Variants in SLC18A2 observed in about 807,000 individuals in gnomAD.
SLC18A2 encodes the protein solute carrier family 18 member A2, also known as synaptic vesicular amine transporter.
Under a neutral mutation model 59.2 loss-of-function variants are expected in SLC18A2, and 33 were observed. The ratio of observed to expected loss-of-function variants is 0.56; its 90% CI spans 0.42 to 0.75. SLC18A2 has a LOEUF of 0.75. Among genes scored for constraint, SLC18A2 ranks in the 30% least tolerant of loss-of-function variants. SLC18A2 has a pLI of 0.00. For missense variants in SLC18A2, 569 were observed against 668.6 expected, an observed-to-expected ratio of 0.85 and a Z score of 1.64; for synonymous variants, 228 against 253.5, an observed-to-expected ratio of 0.90 and a Z score of 0.95.
At chr10:117,244,908 G>A (rs1254071541) in intron 3 of SLC18A2, among the ~76,000 whole-genome samples, 3 of 152,232 alleles carry the variant, frequency 2.0e-5, no homozygotes, top group Non-Finnish European at 4.4e-5. Flanking sequence ...TGCATGAAAG[G>A]AAGAGAACTG....
chr10:117,254,215 G>A (rs1481466005), intron 5 of SLC18A2, 84 bp downstream of exon 5: 2 of 1,407,610 alleles, frequency 1.4e-6, no homozygotes, highest in Non-Finnish European at 2.0e-6. Flanking sequence ...GGTATTGGTG[G>A]TGGTTGGGGT....
rs1294465425 is a variant in SLC18A2, at chr10:117,257,875, C to T, written c.974C>T (p.Ser325Phe). The T allele has an allele frequency of 1.2e-6, 2 of 1,611,028 alleles. No individual in the cohort carries two copies. The highest frequency in any genetic ancestry group is 1.3e-5 in the African/African-American group (1 of 74,810). ...ATCTGGATGATGGAGACCATGTGTT[C>T]CCGAAAGTGGCAGCTGGGTAAGGAC... The part of the protein sequence containing the change: ...LPIWMMETMC[S>F]RKWQLGVAFL... Residue 325 changes from serine (S) to phenylalanine (F), a missense_variant, in exon 10 of 16, where the codon TCC (serine) becomes TTC (phenylalanine). By Grantham distance (155) the Ser-to-Phe change is radical. This residue lies in a region of SLC18A2 where 192 missense variants were observed against 278.8 expected (regional missense o/e 0.69). Transcript: ENST00000644641.
At chr10:117,253,627 T>C (rs928328540) in intron 4 of SLC18A2, among the ~76,000 whole-genome samples, 170 bp downstream of exon 4, 2 of 152,050 alleles carry the variant, frequency 1.3e-5, no homozygotes, top group East Asian at 1.9e-4. Context: ...GGGCGGATCA[T>C]CTGAGGTCAG....
Position 117,257,896 on chromosome 10 carries a change from A to G in SLC18A2, c.991+4A>G, listed in dbSNP as rs1323712316. 1 of 1,602,706 alleles carries G rather than the reference A, an allele frequency of 6.2e-7. No individual in the cohort carries two copies. The highest frequency in any genetic ancestry group is 2.2e-5 in the East Asian group (1 of 44,596). On this transcript the variant is annotated splice_donor_region_variant and intron_variant, in intron 10 of 15. Coordinates refer to ENST00000644641, the MANE Select transcript of SLC18A2 (RefSeq NM_003054.6). ...TGTTCCCGAAAGTGGCAGCTGGGTAAGGACTGGGGTGGGCTCTTCTGATTC... is the reference window on the plus strand; with the variant it reads ...TGTTCCCGAAAGTGGCAGCTGGGTAGGGACTGGGGTGGGCTCTTCTGATTC...
intron 3 of SLC18A2, among the ~76,000 whole-genome samples, chr10:117,249,696 T>G (rs1008756994): frequency 6.6e-6 from 1 of 152,236 alleles, no homozygotes; most frequent in African/African-American, 2.4e-5. Context: ...AGCTAATTAT[T>G]AACACTAGAG....
rs1318873744 is a variant in SLC18A2, at chr10:117,279,407, A to ACTT, written c.*2142_*2144dup. The ACTT allele has an allele frequency of 1.3e-5, 2 of 152,194 alleles. No individual in the cohort carries two copies. The highest frequency in any genetic ancestry group is 4.8e-5 in the African/African-American group (2 of 41,452). 9.4% of individuals were successfully genotyped at this position (152,194 alleles called of 1,614,324 possible). On this transcript the variant is annotated 3_prime_UTR_variant, in exon 16 of 16. Transcript: ENST00000644641. ...TATCTGTCCATATTTTAGCAAGTTT[A>ACTT]CTTAATAAATCTTCTGAACCATGTT...
At chr10:117,265,735 A>G (rs1844339974) in intron 10 of SLC18A2, among the ~76,000 whole-genome samples, 1 of 152,116 alleles carries the variant, frequency 6.6e-6, no homozygotes, top group East Asian at 1.9e-4. Flanking sequence ...CCAGCAGGGA[A>G]TCACCCTGGG....
intron 10 of SLC18A2, among the ~76,000 whole-genome samples, chr10:117,261,896 A>C (rs10082463): frequency 0.13 from 19,376 of 152,126 alleles, 1,541 homozygotes; most frequent in East Asian, 0.4. Context: ...TGAGCGATGC[A>C]CTGTCAAAGG....
At chr10:117,263,786 CTT>C (rs1193698676) in intron 10 of SLC18A2, among the ~76,000 whole-genome samples, 1 of 152,200 alleles carries the variant, frequency 6.6e-6, no homozygotes, top group African/African-American at 2.4e-5. Context: ...GAGGCACACT[CTT>C]GTCTTCTGGT....
At chr10:117,274,048 C>T (rs1050819649) in intron 15 of SLC18A2, among the ~76,000 whole-genome samples, 5 of 152,178 alleles carry the variant, frequency 3.3e-5, no homozygotes, top group African/African-American at 9.7e-5. Context: ...GCCTGCACTG[C>T]GGCCGCCCTA....
At position 117,255,374 on chromosome 10, in the gene SLC18A2, A is replaced by G; in HGVS notation, c.790+8A>G. On this transcript the variant is annotated splice_region_variant and intron_variant, in intron 7 of 15. Transcript: ENST00000644641. ...TGGTACTCTTGGATGGAGGTGAGTG[A>G]GTCCACGTGGGCGCCATGCCATGAC... 2 of 1,614,218 alleles carry G rather than the reference A, an allele frequency of 1.2e-6. No homozygotes were observed. The highest frequency in any genetic ancestry group is 1.7e-6 in the Non-Finnish European group (2 of 1,180,014).
Position 117,269,158 on chromosome 10 carries a change from C to CAAAT in SLC18A2, c.1187-912_1187-911insAATA, listed in dbSNP as rs1299915727. Among the ~76,000 whole-genome samples, 1 of 49,246 alleles carries CAAAT rather than the reference C, an allele frequency of 2.0e-5. No homozygotes were observed. Among genetic ancestry groups the CAAAT allele is most frequent in the Non-Finnish European group, 6.5e-5 (1 of 15,454 alleles). The allele number at this position is 49,246 out of a possible 152,430, so 32.3% of individuals were successfully genotyped here. On this transcript the variant is annotated intron_variant, in intron 13 of 15. Transcript: ENST00000644641. This position sits in a 1 kb window ranked among gnomAD's most constrained non-coding sequence, Gnocchi z 5.1. ...AAACACCCACCCACATACATATGCA[C>CAAAT]ACATACACACATACATATACACACA...
intron 9 of SLC18A2, 85 bp from the exon 10 acceptor site, chr10:117,257,712 T>G: frequency 2.7e-6 from 2 of 746,626 alleles, no homozygotes; most frequent in Non-Finnish European, 4.3e-6. Context: ...TGCGGTTATC[T>G]GAGCTGTAGG....
chr10:117,273,611 A>G (rs997886768), intron 15 of SLC18A2, among the ~76,000 whole-genome samples: 10 of 152,208 alleles, frequency 6.6e-5, no homozygotes, highest in African/African-American at 2.2e-4. Flanking sequence ...GATAGACCAC[A>G]TTCTGCATAT....
intron 10 of SLC18A2, among the ~76,000 whole-genome samples, chr10:117,263,147 C>T (rs141747487): frequency 5.3e-5 from 8 of 152,310 alleles, no homozygotes; most frequent in African/African-American, 1.9e-4. Context: ...AATCAGGTTT[C>T]TCTACCTGCC....
chr10:117,253,618 G>A (rs1844190110), intron 4 of SLC18A2, among the ~76,000 whole-genome samples, 161 bp downstream of exon 4: 1 of 152,054 alleles, frequency 6.6e-6, no homozygotes, highest in East Asian at 1.9e-4. Context: ...GGCTGAGGTG[G>A]GCGGATCATC....
Position 117,244,271 on chromosome 10 carries a change from T to C in SLC18A2, c.422T>C (p.Val141Ala), listed in dbSNP as rs767009243. The C allele has an allele frequency of 1.2e-6, 2 of 1,614,082 alleles. No homozygotes were observed. The highest frequency in any genetic ancestry group is 1.7e-6 in the Non-Finnish European group (2 of 1,180,034). Residue 141 changes from valine to alanine, a missense_variant, in exon 3 of 16, where the codon GTC (valine) becomes GCC (alanine). Val to Ala is a moderately conservative substitution (Grantham distance 64). Coordinates refer to ENST00000644641, the MANE Select transcript of SLC18A2 (RefSeq NM_003054.6). Reference protein sequence around the residue: ...VGLLFASKATVQLITNPFIGL... With the variant: ...VGLLFASKATAQLITNPFIGL... ...CTGTTGTTTGCCTCGAAAGCCACCG[T>C]CCAGCTCATCACCAACCCTTTCATA... is the stretch of plus-strand genomic sequence containing the variant.
At chr10:117,264,545 A>G (rs987991736) in intron 10 of SLC18A2, among the ~76,000 whole-genome samples, 2 of 152,138 alleles carry the variant, frequency 1.3e-5, no homozygotes, top group African/African-American at 4.8e-5. Context: ...CCCTCAGGGG[A>G]GTGAATGGCC....
At chr10:117,276,724 T>C (rs528904156) in intron 15 of SLC18A2, among the ~76,000 whole-genome samples, 4 of 151,930 alleles carry the variant, frequency 2.6e-5, no homozygotes, top group African/African-American at 9.6e-5. Context: ...GGTACATTTC[T>C]CACATGTGAG....
Sources: gnomAD v4.1 joint callset for allele counts (sites outside exome capture counted in the v4.1 genomes callset) on GRCh38, gnomAD v4.1.1 for gene constraint, gnomAD v4.1.1 regional missense constraint, Gnocchi (gnomAD v3.1) non-coding constraint, MANE v1.5 for transcripts, NCBI Gene and HGNC (gene_info 2026-07-23, HGNC 2026-07-21) for gene names.